The following KATNAL2 variants were observed in gnomAD, a reference collection of about 807,000 sequenced individuals.
KATNAL2 encodes katanin catalytic subunit A1 like 2.
In KATNAL2, 52 loss-of-function variants were observed where a neutral mutation model predicts 76.3. That is an observed-to-expected ratio of 0.68 (90% CI 0.55 to 0.86). KATNAL2 has a LOEUF of 0.86. Among genes scored for constraint, KATNAL2 ranks in the 40% least tolerant of loss-of-function variants. The probability of loss-of-function intolerance (pLI) is 0.00; values close to 1 mark genes in which losing one functional copy is unlikely to be tolerated. For missense variants in KATNAL2, 660 were observed against 668.9 expected, an observed-to-expected ratio of 0.99 and a Z score of 0.15; for synonymous variants, 243 against 244.2, an observed-to-expected ratio of 1.00 and a Z score of 0.05.
intron 6 of KATNAL2, among the ~76,000 whole-genome samples, chr18:47,055,434 C>T (rs1045936911): frequency 4.6e-5 from 7 of 152,282 alleles, no homozygotes; most frequent in East Asian, 1.9e-4. Flanking sequence ...CCCACCCCTG[C>T]GACTCCAGTT....
chr18:46,953,762 A>G (rs1435098873), intron 3 of KATNAL2, among the ~76,000 whole-genome samples: 2 of 152,132 alleles, frequency 1.3e-5, no homozygotes, highest in Non-Finnish European at 2.9e-5. Context: ...GTCTCAAAAA[A>G]AAAAAGATAT....
intron 14 of KATNAL2, among the ~76,000 whole-genome samples, chr18:47,075,705 T>C (rs1281233657): frequency 6.6e-6 from 1 of 152,204 alleles, no homozygotes; most frequent in Non-Finnish European, 1.5e-5. Flanking sequence ...TGGCCTCCTC[T>C]GGAGCCAGAG....
intron 13 of KATNAL2, among the ~76,000 whole-genome samples, chr18:47,071,543 A>G (rs767195601): frequency 2.4e-4 from 36 of 152,136 alleles, no homozygotes; most frequent in Non-Finnish European, 5.3e-4. Flanking sequence ...CTGAATAGCA[A>G]CAAAACTCTT....
At chr18:47,077,288 C>A in intron 14 of KATNAL2, 63 bp from the exon 15 acceptor site, 1 of 1,234,076 alleles carries the variant, frequency 8.1e-7, no homozygotes. Flanking sequence ...GCTGTGAATG[C>A]TGCTCTTGTC....
chr18:46,922,106 T>G (rs2058580951), intron 1 of KATNAL2, among the ~76,000 whole-genome samples: 1 of 151,470 alleles, frequency 6.6e-6, no homozygotes, highest in South Asian at 2.1e-4. Flanking sequence ...CCTCACTTTT[T>G]TTTTTTTTTT....
intron 1 of KATNAL2, among the ~76,000 whole-genome samples, chr18:46,945,707 T>C (rs1396026480): frequency 6.6e-6 from 1 of 152,280 alleles, no homozygotes; most frequent in Non-Finnish European, 1.5e-5. Flanking sequence ...CTCCATGTTG[T>C]GTTAGGATTA....
At chr18:47,059,738 C>A in intron 8 of KATNAL2, 84 bp downstream of exon 8, 2 of 1,016,974 alleles carry the variant, frequency 2.0e-6, no homozygotes, top group Admixed American at 1.8e-5. Context: ...TTATTTTTGT[C>A]AAACAGGAAA....
At chr18:46,958,946 C>G (rs2059847333) in intron 3 of KATNAL2, among the ~76,000 whole-genome samples, 2 of 152,206 alleles carry the variant, frequency 1.3e-5, no homozygotes, top group Admixed American at 6.5e-5. Flanking sequence ...ACTACTCTGC[C>G]TTGGTGAACC....
chr18:46,923,081 T>G (rs1341055148), intron 1 of KATNAL2, among the ~76,000 whole-genome samples: 2 of 150,650 alleles, frequency 1.3e-5, no homozygotes, highest in African/African-American at 4.9e-5. Context: ...ATTATTATTA[T>G]ACTTTAAGTT....
In KATNAL2 at chr18:46,925,870, G is replaced by A. The variant is rs908206815; in HGVS notation, c.-510+7944G>A. 6.6e-5 allele frequency among the ~76,000 whole-genome samples: 10 copies of A among 152,194 alleles called. No homozygotes were observed. In the South Asian group the frequency reaches 8.3e-4, roughly 13 times the overall value. ...CTTCTAGATTTTCTAGTTTATTTGCGTAGAGGTGTTTATAGTATTCTCTGA... is the reference window on the plus strand; with the variant it reads ...CTTCTAGATTTTCTAGTTTATTTGCATAGAGGTGTTTATAGTATTCTCTGA... On this transcript the variant is annotated intron_variant, in intron 1 of 17. Transcript: ENST00000683218.
chr18:47,100,431 C>CACCAAGAACAGGCGCCAG, intron 17 of KATNAL2, 75 bp downstream of exon 17: 1 of 1,245,316 alleles, frequency 8.0e-7, no homozygotes, highest in Non-Finnish European at 1.2e-6. Context: ...TGGAGCCTGG[C>CACCAAGAACAGGCGCCAG]GCCTGTTCTT....
chr18:47,059,114 G>A (rs544512309), intron 7 of KATNAL2, among the ~76,000 whole-genome samples: 4 of 152,336 alleles, frequency 2.6e-5, no homozygotes, highest in African/African-American at 7.2e-5. Context: ...GAGGTCCTAC[G>A]GTTCTGGCCG....
At chr18:46,951,919 G>T (rs2059569231) in intron 3 of KATNAL2, among the ~76,000 whole-genome samples, 1 of 151,920 alleles carries the variant, frequency 6.6e-6, no homozygotes, top group South Asian at 2.1e-4. Context: ...GATTACAGGG[G>T]TGCGCCACCA....
At chr18:46,940,687 G>A (rs754758589) in intron 1 of KATNAL2, among the ~76,000 whole-genome samples, 28 of 152,070 alleles carry the variant, frequency 1.8e-4, no homozygotes, top group Non-Finnish European at 3.4e-4. Flanking sequence ...AGGTAGGGAG[G>A]GGACAAGGAG....
intron 3 of KATNAL2, chr18:47,035,252 A>G: frequency 6.2e-7 from 1 of 1,612,108 alleles, no homozygotes; most frequent in Non-Finnish European, 8.5e-7. Context: ...AGCGTAGTGG[A>G]CCCTGCCGCC....
chr18:46,940,506 G>T (rs2059216783), intron 1 of KATNAL2, among the ~76,000 whole-genome samples: 1 of 152,154 alleles, frequency 6.6e-6, no homozygotes, highest in African/African-American at 2.4e-5. Context: ...TAGAAAAATG[G>T]AGTTTTAACA....
At chr18:46,958,728 A>G (rs1029518150) in intron 3 of KATNAL2, among the ~76,000 whole-genome samples, 7 of 152,244 alleles carry the variant, frequency 4.6e-5, no homozygotes, top group Non-Finnish European at 1.0e-4. Flanking sequence ...AATCCTCTAT[A>G]ATGCTCTAAG....
Position 47,037,537 on chromosome 18 carries a change from T to C in KATNAL2, c.52-8920T>C, listed in dbSNP as rs138938364. On this transcript the variant is annotated intron_variant, in intron 3 of 17. Coordinates refer to ENST00000683218, the MANE Select transcript of KATNAL2 (RefSeq NM_001387690.1). ...TTTGCGGGGAATGGCTCATTCTTAGTTTTTTTTAATTCAGAAGATAATTTT... is the reference window on the plus strand; with the variant it reads ...TTTGCGGGGAATGGCTCATTCTTAGCTTTTTTTAATTCAGAAGATAATTTT... 4.7e-3 allele frequency among the ~76,000 whole-genome samples: 714 copies of C among 152,138 alleles called. 1 individual carries two copies. The highest frequency in any genetic ancestry group is 7.9e-3 in the Non-Finnish European group (536 of 67,978).
intron 11 of KATNAL2, among the ~76,000 whole-genome samples, 161 bp from the exon 12 acceptor site, chr18:47,069,059 C>A (rs1389610888): frequency 6.6e-6 from 1 of 152,142 alleles, no homozygotes; most frequent in Non-Finnish European, 1.5e-5. Flanking sequence ...TGAATAAGAT[C>A]TGTTTATTTC....
Sources: allele counts gnomAD v4.1 joint callset (sites outside exome capture counted in the v4.1 genomes callset), GRCh38; gene constraint gnomAD v4.1.1; transcripts MANE v1.5; gene names NCBI Gene and HGNC (gene_info 2026-07-23, HGNC 2026-07-21).